Variants in CAMTA1 observed in about 807,000 individuals in gnomAD.
The protein encoded by CAMTA1 is calmodulin binding transcription activator 1.
In CAMTA1, 27 loss-of-function variants were observed where a neutral mutation model predicts 170.9. That is an observed-to-expected ratio of 0.16 (90% CI 0.12 to 0.22). The LOEUF is 0.22. CAMTA1 is among the 10% of genes least tolerant of loss of function. The pLI is 1.00. For missense variants in CAMTA1, 1,619 were observed against 2,217.2 expected, an observed-to-expected ratio of 0.73 and a Z score of 5.42; for synonymous variants, 833 against 891.5, an observed-to-expected ratio of 0.93 and a Z score of 1.17.
chr1:7,585,751 G>T lies in CAMTA1; in HGVS notation c.511-54649G>T, dbSNP rs958273070. On this transcript the variant is annotated intron_variant, in intron 6 of 22. Transcript: ENST00000303635. This position sits in a 1 kb window ranked among gnomAD's most constrained non-coding sequence, Gnocchi z 4.8. ...CCCAGTTCATACATCCTAGAGGGGG[G>T]CTCTCTTGTGGACAGACAGGCCAGA... 4.0e-5 allele frequency among the ~76,000 whole-genome samples: 6 copies of T among 150,918 alleles called. No individual in the cohort carries two copies. The highest frequency in any genetic ancestry group is 2.6e-4 in the Admixed American group (4 of 15,236).
At chr1:7,607,362 G>A (rs201275366) in intron 6 of CAMTA1, among the ~76,000 whole-genome samples, 92 of 151,822 alleles carry the variant, frequency 6.1e-4, no homozygotes, top group East Asian at 7.7e-4. Flanking sequence ...AAGATAGGTG[G>A]ATGGGTAGAT....
At chr1:7,739,851 C>T (rs995421652) in intron 16 of CAMTA1, among the ~76,000 whole-genome samples, 3 of 150,872 alleles carry the variant, frequency 2.0e-5, no homozygotes, top group South Asian at 2.1e-4. Context: ...TACTGACCAC[C>T]GCAGTTTCCC....
At chr1:7,710,635 T>G (rs568557966) in intron 11 of CAMTA1, among the ~76,000 whole-genome samples, 66 of 150,664 alleles carry the variant, frequency 4.4e-4, no homozygotes, top group Non-Finnish European at 5.2e-4. Flanking sequence ...ATTTATTGAC[T>G]CTTAGGAAGT....
chr1:6,833,734 C>G (rs761729147), intron 3 of CAMTA1, among the ~76,000 whole-genome samples: 2 of 152,192 alleles, frequency 1.3e-5, no homozygotes, highest in Non-Finnish European at 2.9e-5. Flanking sequence ...CTACTGGGTA[C>G]TAGGGGAAAC....
chr1:7,543,174 C>T (rs144118263), intron 6 of CAMTA1, among the ~76,000 whole-genome samples: 1 of 152,194 alleles, frequency 6.6e-6, no homozygotes, highest in Non-Finnish European at 1.5e-5. Context: ...GCCTAAAACA[C>T]AGTTTTTAAT....
At chr1:6,933,070 C>G (rs1271954320) in intron 3 of CAMTA1, among the ~76,000 whole-genome samples, 2 of 147,048 alleles carry the variant, frequency 1.4e-5, no homozygotes, top group Non-Finnish European at 3.0e-5. Flanking sequence ...CAATCATCAT[C>G]TTTTTTTTTT....
At chr1:7,713,338 G>A (rs945387218) in intron 11 of CAMTA1, among the ~76,000 whole-genome samples, 6 of 152,210 alleles carry the variant, frequency 3.9e-5, no homozygotes, top group Middle Eastern at 3.4e-3. Context: ...TTCCTAACTC[G>A]GAGACTGTCT....
intron 5 of CAMTA1, among the ~76,000 whole-genome samples, chr1:7,374,414 G>T (rs1286265647): frequency 6.6e-6 from 1 of 152,232 alleles, no homozygotes; most frequent in Admixed American, 6.5e-5. Flanking sequence ...TGCAATCCTA[G>T]GGCAAACGAG....
intron 5 of CAMTA1, among the ~76,000 whole-genome samples, chr1:7,330,899 A>T (rs2082989602): frequency 6.6e-6 from 1 of 152,192 alleles, no homozygotes; most frequent in African/African-American, 2.4e-5. Context: ...CACCAGAGTC[A>T]GGCTGCGGCC....
At chr1:7,650,178 C>A (rs978326150) in intron 7 of CAMTA1, among the ~76,000 whole-genome samples, 1 of 152,208 alleles carries the variant, frequency 6.6e-6, no homozygotes, top group Non-Finnish European at 1.5e-5. Flanking sequence ...TCTGACGCTG[C>A]CAGGCGGCCG....
In CAMTA1 at chr1:6,971,927, C is replaced by T. The variant is rs980086002; in HGVS notation, c.235-119377C>T. Among the ~76,000 whole-genome samples, 8 of 152,176 alleles carry T rather than the reference C, an allele frequency of 5.3e-5. No individual in the cohort carries two copies. The highest frequency in any genetic ancestry group is 8.8e-5 in the Non-Finnish European group (6 of 68,040). ...CTGGAGAGAGGAGAGGAGAGCATCG[C>T]GGGCAGGTGCTGAGGGTTGGCCTTG... is the stretch of plus-strand genomic sequence containing the variant. On this transcript the variant is annotated intron_variant, in intron 3 of 22. Transcript: ENST00000303635. The surrounding 1 kb of genome is among the most constrained non-coding windows in gnomAD (Gnocchi z 4.6).
chr1:6,875,916 G>A (rs1448166539), intron 3 of CAMTA1, among the ~76,000 whole-genome samples: 1 of 152,210 alleles, frequency 6.6e-6, no homozygotes, highest in Non-Finnish European at 1.5e-5. Flanking sequence ...CTTCTGGAGT[G>A]TGGGCCAATG....
chr1:7,662,284 T>C (rs2095966461), intron 8 of CAMTA1, among the ~76,000 whole-genome samples: 1 of 152,234 alleles, frequency 6.6e-6, no homozygotes, highest in Admixed American at 6.5e-5. Flanking sequence ...CCTCTTTCTT[T>C]AACCTCTGTC....
chr1:7,248,241 A>C lies in CAMTA1; in HGVS notation c.303-1250A>C, dbSNP rs556854251. On this transcript the variant is annotated intron_variant, in intron 4 of 22. Coordinates refer to ENST00000303635, the MANE Select transcript of CAMTA1 (RefSeq NM_015215.4). This position sits in a 1 kb window ranked among gnomAD's most constrained non-coding sequence, Gnocchi z 4.0. The stretch of plus-strand genomic sequence containing the variant: ...GGCCCATTGTTCGTAGCAAGAAGAA[A>C]AGAAAGGCGCTGGAGGGTCTTGCCC... 6.6e-6 allele frequency among the ~76,000 whole-genome samples: 1 copy of C among 152,340 alleles called. No individual in the cohort carries two copies. Among genetic ancestry groups the C allele is most frequent in the African/African-American group, 2.4e-5 (1 of 41,578 alleles).
chr1:7,329,961 C>A (rs1479969621), intron 5 of CAMTA1, among the ~76,000 whole-genome samples: 1 of 152,192 alleles, frequency 6.6e-6, no homozygotes, highest in East Asian at 1.9e-4. Flanking sequence ...CAGGCCCATG[C>A]TCATGGGTAA....
At chr1:6,994,381 T>G (rs1004571839) in intron 3 of CAMTA1, among the ~76,000 whole-genome samples, 3 of 152,228 alleles carry the variant, frequency 2.0e-5, no homozygotes, top group Non-Finnish European at 4.4e-5. Flanking sequence ...TTTCTTATAT[T>G]TTATTTTTCT....
intron 3 of CAMTA1, among the ~76,000 whole-genome samples, chr1:7,019,230 G>A (rs1701015244): frequency 6.6e-6 from 1 of 152,252 alleles, no homozygotes; most frequent in African/African-American, 2.4e-5. Context: ...AGCATGTTAA[G>A]GGTTGGGCTG....
chr1:7,234,091 C>T lies in CAMTA1; in HGVS notation c.303-15400C>T, dbSNP rs1299567610. Among the ~76,000 whole-genome samples, 2 of 152,196 alleles carry T rather than the reference C, an allele frequency of 1.3e-5. No individual in the cohort carries two copies. Among genetic ancestry groups the T allele is most frequent in the Non-Finnish European group, 1.5e-5 (1 of 68,038 alleles). ...AATACACGTGTACCCTTGGTTAATTCGTGTCTCTCATCACTCTTACAGTAA... is the reference window on the plus strand; with the variant it reads ...AATACACGTGTACCCTTGGTTAATTTGTGTCTCTCATCACTCTTACAGTAA... On this transcript the variant is annotated intron_variant, in intron 4 of 22. Transcript: ENST00000303635. The surrounding 1 kb of genome is among the most constrained non-coding windows in gnomAD (Gnocchi z 5.0).
In CAMTA1 at chr1:7,562,115, A is replaced by G. The variant is rs1334184650; in HGVS notation, c.511-78285A>G. On this transcript the variant is annotated intron_variant, in intron 6 of 22. Transcript: ENST00000303635. This position sits in a 1 kb window ranked among gnomAD's most constrained non-coding sequence, Gnocchi z 4.8. The stretch of plus-strand genomic sequence containing the variant: ...AGGAAAAGCCAGGCCAGGCGTGCCT[A>G]TCTCCTGCCAGCCTCACTACCCGCA... 6.6e-6 allele frequency among the ~76,000 whole-genome samples: 1 copy of G among 152,090 alleles called. No homozygotes were observed. Among genetic ancestry groups the G allele is most frequent in the Non-Finnish European group, 1.5e-5 (1 of 68,004 alleles).
Sources: gnomAD v4.1 joint callset for allele counts (sites outside exome capture counted in the v4.1 genomes callset) on GRCh38, gnomAD v4.1.1 for gene constraint, Gnocchi (gnomAD v3.1) non-coding constraint, MANE v1.5 for transcripts, NCBI Gene and HGNC (gene_info 2026-07-23, HGNC 2026-07-21) for gene names.